The following PRKAG3 variants were observed in gnomAD, a reference collection of about 807,000 sequenced individuals.
The protein encoded by PRKAG3 is protein kinase AMP-activated non-catalytic subunit gamma 3, also known as 5'-AMP-activated protein kinase subunit gamma-3.
In PRKAG3, 39 loss-of-function variants were observed where a neutral mutation model predicts 56.5. The observed-to-expected ratio is 0.69, with a 90% CI of 0.53 to 0.90. The LOEUF (loss-of-function observed/expected upper bound fraction) is 0.90. Ranked by LOEUF, PRKAG3 falls within the 40% of genes least tolerant of loss-of-function variation. The pLI, the probability that PRKAG3 is intolerant of heterozygous loss-of-function variation, is 0.00. For synonymous variants in PRKAG3, 243 were observed against 250.1 expected, an observed-to-expected ratio of 0.97 and a Z score of 0.27; for missense variants, 628 against 627.5, an observed-to-expected ratio of 1.00 and a Z score of -0.01.
chr2:218,824,572 C>G (rs1405011419), exon 11 of PRKAG3: 1 of 1,612,120 alleles, frequency 6.2e-7, no homozygotes, highest in South Asian at 1.1e-5. Flanking sequence ...GGCCCACGAC[C>G]TGACCTGCAG....
Position 218,824,022 on chromosome 2 carries a change from G to A in PRKAG3, c.1354-144C>T, listed in dbSNP as rs895564172. 2.3e-5 allele frequency: 27 copies of A among 1,185,928 alleles called. 1 individual carries two copies. The highest frequency in any genetic ancestry group is 1.2e-4 in the South Asian group (9 of 77,444). 73.5% of individuals were successfully genotyped at this position (1,185,928 alleles called of 1,614,324 possible). A position where few individuals can be genotyped will look rare whatever the true frequency, so the allele number is the denominator to read the frequency against. Reference sequence around the variant, plus strand: ...GAAACCAGTTAGGGATGGTGTGACCGGCCTAAGGTGATCAGTTGGCAGTGA... The same window carrying A: ...GAAACCAGTTAGGGATGGTGTGACCAGCCTAAGGTGATCAGTTGGCAGTGA... On this transcript the variant is annotated intron_variant, in intron 12 of 12. Coordinates refer to ENST00000529249, the Ensembl canonical transcript of PRKAG3.
chr2:218,824,179 TG>T (rs748841340), intron 12 of PRKAG3, 42 bp downstream of exon 12: 13 of 1,613,778 alleles, frequency 8.1e-6, no homozygotes, highest in African/African-American at 1.3e-5. Flanking sequence ...TGAGAAGGAC[TG>T]GGCTATATGT....
chr2:218,829,655 C>T (rs1366599870), intron 4 of PRKAG3, among the ~76,000 whole-genome samples: 2 of 152,090 alleles, frequency 1.3e-5, no homozygotes, highest in Non-Finnish European at 2.9e-5. Flanking sequence ...ACTTTGTTCA[C>T]GCTTTATACT....
At chr2:218,824,437 C>A (rs927374758) in intron 11 of PRKAG3, 69 bp from the exon 12 acceptor site, 2 of 1,612,264 alleles carry the variant, frequency 1.2e-6, no homozygotes, top group Non-Finnish European at 1.7e-6. Context: ...CAGATGTCAA[C>A]CCCTGCATAC....
intron 10 of PRKAG3, 78 bp from the exon 11 acceptor site, chr2:218,824,654 G>A (rs1277817728): frequency 2.3e-6 from 3 of 1,306,596 alleles, no homozygotes; most frequent in African/African-American, 2.9e-5. Context: ...GCTGTGTAGA[G>A]GGCCTAGGGC....
At position 218,830,495 on chromosome 2, in the gene PRKAG3, AT is replaced by A. The variant is rs1304890579; in HGVS notation, c.230-115del. On this transcript the variant is annotated intron_variant, in intron 3 of 12. Transcript: ENST00000529249. Reference sequence around the variant, plus strand: ...TGGGAAGCCTGGATGCTGTGGCCCTATTTGCAGGTGAGGGGCTGACCTGAGA... The same window carrying A: ...TGGGAAGCCTGGATGCTGTGGCCCTATTGCAGGTGAGGGGCTGACCTGAGA... 7 of 1,380,460 alleles carry A rather than the reference AT, an allele frequency of 5.1e-6. No individual in the cohort carries two copies. In the African/African-American group the frequency reaches 8.6e-5, roughly 17 times the overall value. 85.5% of individuals were successfully genotyped at this position (1,380,460 alleles called of 1,614,324 possible). A position where few individuals can be genotyped will look rare whatever the true frequency, so the allele number is the denominator to read the frequency against.
At chr2:218,828,148 G>T in intron 5 of PRKAG3, 86 bp from the exon 6 acceptor site, 2 of 1,256,628 alleles carry the variant, frequency 1.6e-6, no homozygotes, top group Non-Finnish European at 2.3e-6. Flanking sequence ...CACCCTGCCA[G>T]TGTCCTTGTG....
Position 218,824,530 on chromosome 2 carries a change from G to C in PRKAG3, c.1206+9C>G. 1.9e-6 allele frequency: 3 copies of C among 1,611,788 alleles called. No individual in the cohort carries two copies. The South Asian group carries it at 3.3e-5, about 18-fold the overall frequency. ...CCCTGCAGCATCCCACCTTTCCAGC[G>C]ACACTTACAATCACATCAAAGCGGG... On this transcript the variant is annotated intron_variant, in intron 11 of 12. Coordinates refer to ENST00000529249, the Ensembl canonical transcript of PRKAG3.
intron 10 of PRKAG3, among the ~76,000 whole-genome samples, chr2:218,825,335 C>CAAA (rs3078328): frequency 3.7e-4 from 26 of 71,122 alleles, no homozygotes; most frequent in African/African-American, 8.9e-4. Flanking sequence ...GACTCTGTCT[C>CAAA]AAAAAAAAAA....
At chr2:218,831,799 A>G in exon 1 of PRKAG3, 1 of 1,602,960 alleles carries the variant, frequency 6.2e-7, no homozygotes, top group Non-Finnish European at 8.5e-7. Context: ...ACTGAGAGCA[A>G]GTGTGCGACA....
downstream of PRKAG3, chr2:218,823,021 C>T (rs189998712): frequency 2.9e-4 from 287 of 984,760 alleles, no homozygotes; most frequent in Admixed American, 6.6e-3. Flanking sequence ...TGGGCATGCC[C>T]GAGGGCTTCT....
chr2:218,830,722 C>T, intron 3 of PRKAG3, 24 bp downstream of exon 3: 4 of 1,609,676 alleles, frequency 2.5e-6, no homozygotes, highest in Non-Finnish European at 3.4e-6. Context: ...GCTCCCACCT[C>T]CCCAGAACTG....
chr2:218,827,009 GCAC>G lies in PRKAG3; in HGVS notation c.1084_1086del (p.Val362del). ...GCAGTCAGGATGGGTGCTGTCTCCAGCACCACAGCCAAGTCTCGGAATGTGCCG... is the reference window on the plus strand; with the variant it reads ...GCAGTCAGGATGGGTGCTGTCTCCAGCACAGCCAAGTCTCGGAATGTGCCG... On this transcript the variant is annotated inframe_deletion, in exon 10 of 13. Coordinates refer to ENST00000529249, the Ensembl canonical transcript of PRKAG3. This position sits in a 1 kb window ranked among gnomAD's most constrained non-coding sequence, Gnocchi z 5.3. The G allele has an allele frequency of 6.2e-7, 1 of 1,614,150 alleles. No homozygotes were observed. Among genetic ancestry groups the G allele is most frequent in the Non-Finnish European group, 8.5e-7 (1 of 1,180,046 alleles).
exon 4 of PRKAG3, chr2:218,829,987 G>C: frequency 6.2e-7 from 1 of 1,613,462 alleles, no homozygotes; most frequent in Non-Finnish European, 8.5e-7. Flanking sequence ...CCTCCAGCAT[G>C]GTGTCGAAGA....
chr2:218,822,823 G>C (rs1221600037), downstream of PRKAG3: 1 of 931,584 alleles, frequency 1.1e-6, no homozygotes, highest in Non-Finnish European at 1.3e-6. Context: ...GAAGCCATAG[G>C]TAGCCCAGAA....
chr2:218,828,647 CA>C (rs763638230), intron 4 of PRKAG3, 47 bp from the exon 5 acceptor site: 7 of 1,533,892 alleles, frequency 4.6e-6, no homozygotes, highest in Non-Finnish European at 6.2e-6. Context: ...GAGAGACCCT[CA>C]CCCCCCTCTC....
At chr2:218,823,084 G>A (rs1943878436), downstream of PRKAG3, 1 of 941,424 alleles carries the variant, frequency 1.1e-6, no homozygotes, top group East Asian at 1.2e-4. Flanking sequence ...AGCCTGTGGG[G>A]AAAAGAAAAG....
downstream of PRKAG3, chr2:218,822,497 A>G (rs1346568671): frequency 6.6e-6 from 1 of 152,176 alleles, no homozygotes; most frequent in African/African-American, 2.4e-5. Context: ...TTTGAGTGAA[A>G]CCAATAAAAT....
chr2:218,826,935 G>A (rs895049770), exon 10 of PRKAG3: 37 of 1,613,936 alleles, frequency 2.3e-5, no homozygotes, highest in Non-Finnish European at 2.9e-5. Context: ...TACCACATTC[G>A]TTGACCACAG....
Sources: allele counts gnomAD v4.1 joint callset (sites outside exome capture counted in the v4.1 genomes callset), GRCh38; gene constraint gnomAD v4.1.1; non-coding constraint Gnocchi (gnomAD v3.1); transcripts MANE v1.5; gene names NCBI Gene and HGNC (gene_info 2026-07-23, HGNC 2026-07-21).